Variants in HSD17B4 observed in about 807,000 individuals in gnomAD.
The protein encoded by HSD17B4 is hydroxysteroid 17-beta dehydrogenase 4.
Under a neutral mutation model 101.0 loss-of-function variants are expected in HSD17B4, and 70 were observed. The ratio of observed to expected loss-of-function variants is 0.69; its 90% confidence interval spans 0.57 to 0.85. HSD17B4 has a LOEUF of 0.85. Ranked by LOEUF, HSD17B4 falls within the 40% of genes least tolerant of loss-of-function variation. The pLI is 0.00. For synonymous variants in HSD17B4, 347 were observed against 297.1 expected (o/e 1.17, Z -1.73); for missense variants, 984 against 892.4 (o/e 1.10, Z -1.31).
In HSD17B4 at chr5:119,525,242, C is replaced by T; in HGVS notation, c.1530C>T (p.Asp510=). The change falls in exon 18 of 24, where the codon GAC becomes GAT. Residue 510 remains aspartate (D), a synonymous_variant. Transcript: ENST00000510025. ...NQAALYRLSG[D]WNPLHIDPNF... is the part of the protein sequence containing the mutation. Reference sequence around the variant, plus strand: ...CTGCTTTGTACCGCCTCAGTGGAGACTGGAATCCCTTACACATTGATCCTA... The same window carrying T: ...CTGCTTTGTACCGCCTCAGTGGAGATTGGAATCCCTTACACATTGATCCTA... 1 of 1,612,318 alleles carries T rather than the reference C, an allele frequency of 6.2e-7. No homozygotes were observed.
intron 17 of HSD17B4, among the ~76,000 whole-genome samples, chr5:119,524,583 A>G (rs999646153): frequency 6.6e-6 from 1 of 152,172 alleles, no homozygotes; most frequent in Admixed American, 6.6e-5. Flanking sequence ...TTTAAACGCC[A>G]GAAAGTATGG....
intron 16 of HSD17B4, among the ~76,000 whole-genome samples, chr5:119,514,128 G>A (rs1752406097): frequency 2.0e-5 from 3 of 152,154 alleles, no homozygotes; most frequent in South Asian, 4.1e-4. Context: ...ACAAAGGAGT[G>A]TAATTGATGC....
At chr5:119,460,914 C>A (rs1362798080) in intron 2 of HSD17B4, among the ~76,000 whole-genome samples, 1 of 152,200 alleles carries the variant, frequency 6.6e-6, no homozygotes, top group Non-Finnish European at 1.5e-5. Flanking sequence ...GCAGAAGAAG[C>A]AGCTGAAGCC....
intron 9 of HSD17B4, among the ~76,000 whole-genome samples, chr5:119,490,889 C>G (rs1750044067): frequency 2.6e-5 from 4 of 152,110 alleles, no homozygotes; most frequent in Admixed American, 2.6e-4. Flanking sequence ...TTTATACACC[C>G]AAACACACAG....
intron 16 of HSD17B4, among the ~76,000 whole-genome samples, chr5:119,509,764 T>C (rs1427101074): frequency 6.6e-6 from 1 of 152,200 alleles, no homozygotes; most frequent in African/African-American, 2.4e-5. Flanking sequence ...GGATAGACGA[T>C]GCAGCAAAGC....
At chr5:119,527,337 T>C in intron 20 of HSD17B4, 118 bp downstream of exon 20, 1 of 659,418 alleles carries the variant, frequency 1.5e-6, no homozygotes, top group South Asian at 1.8e-5. Context: ...TAAATTTTAA[T>C]TAAAAATAAG....
At chr5:119,477,055 A>G (rs2303003) in intron 6 of HSD17B4, among the ~76,000 whole-genome samples, 8,286 of 152,232 alleles carry the variant, frequency 0.054, 691 homozygotes, top group East Asian at 0.41. Context: ...ATTTATGATT[A>G]TGCCTTAACT....
chr5:119,535,228 A>G (rs1754434852), intron 22 of HSD17B4, among the ~76,000 whole-genome samples: 1 of 151,914 alleles, frequency 6.6e-6, no homozygotes, highest in African/African-American at 2.4e-5. Flanking sequence ...AACAAAGATC[A>G]ATATCAGGAG....
intron 11 of HSD17B4, among the ~76,000 whole-genome samples, chr5:119,494,208 C>T (rs1331838469): frequency 1.3e-5 from 2 of 152,050 alleles, no homozygotes; most frequent in Non-Finnish European, 2.9e-5. Flanking sequence ...AAGATGTTTA[C>T]TCATTTGTGC....
chr5:119,504,573 G>A (rs992539558), intron 14 of HSD17B4, among the ~76,000 whole-genome samples: 1 of 152,020 alleles, frequency 6.6e-6, no homozygotes, highest in Non-Finnish European at 1.5e-5. Flanking sequence ...GGCCACTTGT[G>A]TGTCTTCTTT....
At chr5:119,509,455 A>T in intron 16 of HSD17B4, 1 of 684,350 alleles carries the variant, frequency 1.5e-6, no homozygotes, top group South Asian at 1.5e-5. Flanking sequence ...GATGATGAGG[A>T]TGAAGACCTT....
intron 17 of HSD17B4, among the ~76,000 whole-genome samples, chr5:119,521,906 A>G (rs1341426082): frequency 7.4e-6 from 1 of 135,738 alleles, no homozygotes; most frequent in Non-Finnish European, 1.6e-5. Flanking sequence ...TTTGTTTTGC[A>G]TTTTCAGTTT....
chr5:119,462,758 A>G (rs987458667), intron 2 of HSD17B4, among the ~76,000 whole-genome samples: 31 of 152,216 alleles, frequency 2.0e-4, no homozygotes, highest in Non-Finnish European at 4.6e-4. Context: ...TATGGGGTAC[A>G]GTGTGATATT....
At chr5:119,522,598 A>G (rs775852391) in intron 17 of HSD17B4, among the ~76,000 whole-genome samples, 1 of 152,072 alleles carries the variant, frequency 6.6e-6, no homozygotes, top group Non-Finnish European at 1.5e-5. Flanking sequence ...TCTTAGTTCA[A>G]AATTGCCCTT....
At chr5:119,518,651 G>T (rs868733100) in intron 17 of HSD17B4, among the ~76,000 whole-genome samples, 43 of 152,126 alleles carry the variant, frequency 2.8e-4, no homozygotes, top group African/African-American at 8.9e-4. Context: ...TTGTGCATGG[G>T]CAGATCTTTA....
intron 17 of HSD17B4, 117 bp from the exon 18 acceptor site, chr5:119,525,099 G>T (rs1430300477): frequency 8.9e-6 from 6 of 674,072 alleles, no homozygotes; most frequent in Non-Finnish European, 1.1e-5. Flanking sequence ...TAAAATCAGA[G>T]CCTCAGGTAC....
At chr5:119,527,276 C>A in intron 20 of HSD17B4, 57 bp downstream of exon 20, 2 of 975,888 alleles carry the variant, frequency 2.0e-6, no homozygotes, top group South Asian at 2.6e-5. Context: ...TTCCATCTTA[C>A]CATTTTTTTT....
chr5:119,515,072 TA>T, intron 17 of HSD17B4, 26 bp downstream of exon 17: 1 of 1,288,288 alleles, frequency 7.8e-7, no homozygotes, highest in Non-Finnish European at 1.1e-6. Flanking sequence ...TGAAAAATGA[TA>T]AATCCACCTG....
chr5:119,494,194 G>A (rs764947102), intron 11 of HSD17B4, among the ~76,000 whole-genome samples: 2 of 152,056 alleles, frequency 1.3e-5, no homozygotes, highest in Non-Finnish European at 2.9e-5. Context: ...GGGATGGATG[G>A]CATAAGATGT....
Sources: allele counts gnomAD v4.1 joint callset (sites outside exome capture counted in the v4.1 genomes callset), GRCh38; gene constraint gnomAD v4.1.1; transcripts MANE v1.5; gene names NCBI Gene and HGNC (gene_info 2026-07-23, HGNC 2026-07-21).